NPC1: variants seen among roughly 807,000 people sequenced by gnomAD.
NPC1 encodes NPC intracellular cholesterol transporter 1.
A neutral mutation model predicts 140.4 loss-of-function variants in NPC1; 85 were observed. The ratio of observed to expected loss-of-function variants is 0.61; its 90% CI spans 0.51 to 0.72. NPC1 has a LOEUF of 0.72. NPC1 is among the 30% of genes least tolerant of loss of function. The pLI, the probability that NPC1 is intolerant of heterozygous loss-of-function variation, is 0.00. For missense variants in NPC1, 1,504 were observed against 1,623.8 expected (o/e 0.93, Z 1.27); for synonymous variants, 656 against 624.8 (o/e 1.05, Z -0.74).
Position 23,586,430 on chromosome 18 carries a change from G to A in NPC1, c.-87C>T. On this transcript the variant is annotated 5_prime_UTR_variant, in exon 1 of 25. Transcript: ENST00000269228. ...GGCTCTACTTCCCCGGGCTGTTTCA[G>A]CACCCCGCGCAGGAGGAGCGGAGGA... is the stretch of plus-strand genomic sequence containing the variant. 5 of 1,517,054 alleles carry A rather than the reference G, an allele frequency of 3.3e-6. No homozygotes were observed. In the Admixed American group the frequency reaches 6.1e-5, roughly 18 times the overall value. The allele number at this position is 1,517,054 out of a possible 1,614,324, so 94.0% of individuals were successfully genotyped here. A position where few individuals can be genotyped will look rare whatever the true frequency, so the allele number is the denominator to read the frequency against.
downstream of NPC1, chr18:23,526,696 G>C: frequency 6.2e-7 from 1 of 1,614,124 alleles, no homozygotes; most frequent in Non-Finnish European, 8.5e-7. Context: ...ACCAGACAAA[G>C]GAAGACTCAT....
At chr18:23,545,345 T>C (rs906416888) in intron 11 of NPC1, among the ~76,000 whole-genome samples, 196 bp from the exon 12 acceptor site, 1 of 152,136 alleles carries the variant, frequency 6.6e-6, no homozygotes, top group African/African-American at 2.4e-5. Flanking sequence ...CGGGTTTGAG[T>C]GCTTCTCCTG....
Position 23,544,497 on chromosome 18 carries a change from C to T in NPC1, c.1977G>A (p.Ala659=), listed in dbSNP as rs773827934. 7.4e-6 allele frequency: 12 copies of T among 1,614,156 alleles called. No homozygotes were observed. Among genetic ancestry groups the T allele is most frequent in the South Asian group, 1.1e-5 (1 of 91,074 alleles). ...CCGAGCTCAGCACGATCAAGATGCCCGCGATGCCTAGTGAGACCTTCGAAT... is the reference window on the plus strand; with the variant it reads ...CCGAGCTCAGCACGATCAAGATGCCTGCGATGCCTAGTGAGACCTTCGAAT... The part of the protein sequence containing the change: ...LVDSKVSLGI[A]GILIVLSSVA... Residue 659 remains alanine, a synonymous_variant, in exon 13 of 25, where the codon GCG becomes GCA. Coordinates refer to ENST00000269228, the MANE Select transcript of NPC1 (RefSeq NM_000271.5).
chr18:23,555,066 G>A, intron 8 of NPC1, 82 bp from the exon 9 acceptor site: 1 of 888,912 alleles, frequency 1.1e-6, no homozygotes, highest in East Asian at 2.6e-5. Context: ...ATTGCCCTGA[G>A]GGTCAGAAGA....
downstream of NPC1, chr18:23,527,884 G>A (rs537587108): frequency 4.4e-5 from 71 of 1,613,806 alleles, no homozygotes; most frequent in Non-Finnish European, 5.6e-5. Context: ...CCTGGATGCC[G>A]AGCAGAGTTA....
chr18:23,530,073 C>G (rs1404640755), downstream of NPC1: 1 of 1,614,242 alleles, frequency 6.2e-7, no homozygotes, highest in South Asian at 1.1e-5. Flanking sequence ...CCAGCACAAC[C>G]TCTTTTATAT....
intron 3 of NPC1, chr18:23,509,612 G>T: frequency 6.6e-6 from 1 of 150,888 alleles, no homozygotes; most frequent in Non-Finnish European, 1.5e-5. Flanking sequence ...CAGGCTGGTG[G>T]AGTGCAATGG....
downstream of NPC1, chr18:23,524,329 G>A (rs1030061975): frequency 7.0e-5 from 105 of 1,500,288 alleles, no homozygotes; most frequent in South Asian, 1.8e-4. Context: ...CGCGTTTAGC[G>A]TGGACTCAGT....
At chr18:23,524,602 G>A, downstream of NPC1, 2 of 996,954 alleles carry the variant, frequency 2.0e-6, no homozygotes, top group Non-Finnish European at 3.0e-6. Context: ...TTTCAAGCGT[G>A]GGAATGGGAT....
chr18:23,548,148 G>T, intron 10 of NPC1, 40 bp from the exon 11 acceptor site: 1 of 1,231,614 alleles, frequency 8.1e-7, no homozygotes, highest in Non-Finnish European at 1.2e-6. Context: ...CAGATTACAA[G>T]CATGCAGAAA....
chr18:23,560,614 G>C, intron 5 of NPC1, 134 bp from the exon 6 acceptor site: 1 of 994,772 alleles, frequency 1.0e-6, no homozygotes, highest in Non-Finnish European at 1.5e-6. Flanking sequence ...GGAGGTTTTA[G>C]TTTAATTAAA....
chr18:23,551,644 A>G lies in NPC1; in HGVS notation c.1637T>C (p.Val546Ala). Residue 546 changes from valine to alanine, a missense_variant, in exon 10 of 25, where the codon GTG becomes GCG. Physicochemically the swap from Val to Ala is moderately conservative, Grantham distance 64. Transcript: ENST00000269228. ...TTACTTACCATCATAGCCTCCCAAC[A>G]CAAGCCACGGGAACACTGGTCCACC... ...TFGGPVFPWLVLGGYDDQNYN... is the reference protein window; with the variant it reads ...TFGGPVFPWLALGGYDDQNYN... 6.2e-7 allele frequency: 1 copy of G among 1,613,662 alleles called. No homozygotes were observed.
intron 3 of NPC1, chr18:23,506,680 G>C: frequency 3.5e-6 from 1 of 284,794 alleles, no homozygotes; most frequent in Non-Finnish European, 6.7e-6. Flanking sequence ...GAAGGCTCCT[G>C]AGCGGGTCTA....
chr18:23,550,479 C>CTTTTCTTTTTTTTTT (rs2058853926), intron 10 of NPC1, among the ~76,000 whole-genome samples: 1 of 74,922 alleles, frequency 1.3e-5, no homozygotes, highest in African/African-American at 6.5e-5. Flanking sequence ...TCTTACATTT[C>CTTTTCTTTTTTTTTT]TTTTTTTTTT....
rs1250338527 is a variant in NPC1, at chr18:23,533,459, T to A, written c.3650A>T (p.Lys1217Ile). ...GTAGAATATCTGGAAAATTTGAGAT[T>A]TGGCAAAAGCCAACACCACAATCCC... ...FGGIVVLAFA[K>I]SQIFQIFYFR... Residue 1217 changes from lysine to isoleucine, a missense_variant, in exon 24 of 25, where the codon AAA becomes ATA. Coordinates refer to ENST00000269228, the MANE Select transcript of NPC1 (RefSeq NM_000271.5). The A allele has an allele frequency of 6.2e-7, 1 of 1,614,228 alleles. No individual in the cohort carries two copies. Among genetic ancestry groups the A allele is most frequent in the South Asian group, 1.1e-5 (1 of 91,088 alleles).
intron 4 of NPC1, among the ~76,000 whole-genome samples, chr18:23,566,611 C>G (rs1418532653): frequency 6.6e-6 from 1 of 151,992 alleles, no homozygotes; most frequent in East Asian, 1.9e-4. Flanking sequence ...CACACACACA[C>G]ACTCTATAGA....
At chr18:23,512,016 C>CTTT (rs34759918) in intron 3 of NPC1, among the ~76,000 whole-genome samples, 4 of 127,222 alleles carry the variant, frequency 3.1e-5, no homozygotes, top group Non-Finnish European at 5.0e-5. Context: ...GGTAGAAAGA[C>CTTT]TTTTTTTTTT....
Position 23,563,594 on chromosome 18 carries a change from TG to T in NPC1, c.464-2068del, listed in dbSNP as rs539098205. 6.6e-4 allele frequency among the ~76,000 whole-genome samples: 101 copies of T among 152,266 alleles called. No homozygotes were observed. In the South Asian group the frequency reaches 8.3e-3, roughly 12 times the overall value. On this transcript the variant is annotated intron_variant, in intron 4 of 24. Transcript: ENST00000269228. ...GCACCACCATACCCAGCTAAGTTTT[TG>T]TAGAGATGGAGTTTCACCATGCTGC...
chr18:23,575,012 G>A lies in NPC1; in HGVS notation c.58-1438C>T, dbSNP rs149651345. 4.3e-4 allele frequency among the ~76,000 whole-genome samples: 65 copies of A among 152,356 alleles called. 1 individual carries two copies. Among genetic ancestry groups the A allele is most frequent in the African/African-American group, 1.4e-3 (59 of 41,582 alleles). ...GCAAAAGCTGACTACAGAGGCAGAG[G>A]AAACTGCTGAAGTTCACATGAAATT... On this transcript the variant is annotated intron_variant, in intron 1 of 24. Coordinates refer to ENST00000269228, the MANE Select transcript of NPC1 (RefSeq NM_000271.5).
Sources: allele counts gnomAD v4.1 joint callset (sites outside exome capture counted in the v4.1 genomes callset), GRCh38; gene constraint gnomAD v4.1.1; transcripts MANE v1.5; gene names NCBI Gene and HGNC (gene_info 2026-07-23, HGNC 2026-07-21).